Variants in C2CD5 observed in about 807,000 individuals in gnomAD.
C2CD5 encodes C2 calcium dependent domain containing 5.
Under a neutral mutation model 130.3 loss-of-function variants are expected in C2CD5, and 109 were observed. The ratio of observed to expected loss-of-function variants is 0.84; its 90% CI spans 0.72 to 0.98. The LOEUF is 0.98. Ranked by LOEUF, C2CD5 falls within the 50% of genes least tolerant of loss-of-function variation. C2CD5 has a pLI of 0.00. For missense variants in C2CD5, 996 were observed against 1,261.8 expected (o/e 0.79, Z 3.19); for synonymous variants, 454 against 429.2 (o/e 1.06, Z -0.71).
rs1480753816 is a variant in C2CD5, at chr12:22,472,012, T to C, written c.2223A>G (p.Gln741=). The C allele has an allele frequency of 2.5e-6, 4 of 1,610,350 alleles. No individual in the cohort carries two copies. Among genetic ancestry groups the C allele is most frequent in the Non-Finnish European group, 1.7e-6 (2 of 1,177,250 alleles). ...GATCATTAAAGTTCTTATTGAGAGC[T>C]TGATTAGTCAGGTTGAGGCTGCTTA... ...IRLSSLNLTN[Q]ALNKNFNDLC... The change falls in exon 19 of 27, where the codon CAA becomes CAG. Residue 741 remains glutamine, a synonymous_variant. Coordinates refer to ENST00000446597, the MANE Select transcript of C2CD5 (RefSeq NM_001286176.2).
At chr12:22,506,619 T>C in intron 10 of C2CD5, 92 bp downstream of exon 10, 2 of 732,752 alleles carry the variant, frequency 2.7e-6, no homozygotes, top group Non-Finnish European at 4.8e-6. Flanking sequence ...ATTTCTCTTT[T>C]CAGTTAGATT....
chr12:22,468,172 A>C (rs1216573200), intron 22 of C2CD5, among the ~76,000 whole-genome samples: 1 of 151,966 alleles, frequency 6.6e-6, no homozygotes, highest in Non-Finnish European at 1.5e-5. Context: ...TTTCTGTATA[A>C]AGTAGATGTT....
intron 24 of C2CD5, among the ~76,000 whole-genome samples, chr12:22,457,945 GTAGTT>G (rs1407954943): frequency 6.6e-6 from 1 of 152,092 alleles, no homozygotes; most frequent in Non-Finnish European, 1.5e-5. Context: ...CCTGTGAAAT[GTAGTT>G]TTTTCCCCCT....
At chr12:22,462,529 C>T (rs984596146) in intron 22 of C2CD5, among the ~76,000 whole-genome samples, 4 of 152,136 alleles carry the variant, frequency 2.6e-5, no homozygotes, top group Admixed American at 2.6e-4. Context: ...CAATATTTAA[C>T]AAGCCCTGTG....
chr12:22,479,344 G>T (rs59120810), intron 14 of C2CD5, among the ~76,000 whole-genome samples: 1 of 151,788 alleles, frequency 6.6e-6, no homozygotes, highest in Non-Finnish European at 1.5e-5. Context: ...AAAGTGCTGG[G>T]ATTACGGGCC....
intron 9 of C2CD5, chr12:22,512,669 G>T: frequency 6.7e-7 from 1 of 1,499,032 alleles, no homozygotes; most frequent in Non-Finnish European, 8.9e-7. Flanking sequence ...GAACCTATGA[G>T]GCGATCCTCC....
intron 7 of C2CD5, among the ~76,000 whole-genome samples, chr12:22,520,501 TTAAAAGG>T (rs1440830604): frequency 6.6e-6 from 1 of 152,154 alleles, no homozygotes; most frequent in East Asian, 1.9e-4. Context: ...CTAATAGAAA[TTAAAAGG>T]TATTTACTAT....
intron 7 of C2CD5, among the ~76,000 whole-genome samples, chr12:22,521,403 C>T (rs1172176740): frequency 6.6e-6 from 1 of 152,174 alleles, no homozygotes; most frequent in Non-Finnish European, 1.5e-5. Flanking sequence ...AGAACTCTTC[C>T]TGAATGCATG....
At chr12:22,518,202 T>C (rs369111763) in intron 7 of C2CD5, 65 bp from the exon 8 acceptor site, 11 of 1,464,470 alleles carry the variant, frequency 7.5e-6, no homozygotes, top group South Asian at 6.8e-5. Flanking sequence ...GGTGGCAGCA[T>C]GATCCAAACA....
Position 22,525,693 on chromosome 12 carries a change from T to TC in C2CD5, c.361dup (p.Glu121GlyfsTer13). ...GTCTACTTTGACAACTACATTGATT[T>TC]CCCCACGGATACCTATAAATTTAAA... On this transcript the variant is annotated frameshift_variant, in exon 5 of 27. Transcript: ENST00000446597. LOFTEE classifies it high-confidence loss of function. The TC allele has an allele frequency of 6.6e-7, 1 of 1,507,278 alleles. No individual in the cohort carries two copies. The highest frequency in any genetic ancestry group is 9.2e-7 in the Non-Finnish European group (1 of 1,083,614). 93.4% of individuals were successfully genotyped at this position (1,507,278 alleles called of 1,614,324 possible).
At chr12:22,478,642 T>C (rs145530158) in intron 14 of C2CD5, among the ~76,000 whole-genome samples, 165 bp from the exon 15 acceptor site, 146 of 152,216 alleles carry the variant, frequency 9.6e-4, no homozygotes, top group African/African-American at 3.3e-3. Flanking sequence ...GGTCAGGAGT[T>C]TGAGACCAGC....
chr12:22,490,311 T>A (rs1373799685), intron 11 of C2CD5, 93 bp from the exon 12 acceptor site: 2 of 848,510 alleles, frequency 2.4e-6, no homozygotes, highest in Non-Finnish European at 3.8e-6. Context: ...CAGTGACAAT[T>A]TAAGTTCAAG....
chr12:22,514,764 A>C (rs1949547089), intron 8 of C2CD5, among the ~76,000 whole-genome samples: 2 of 152,040 alleles, frequency 1.3e-5, no homozygotes, highest in East Asian at 1.9e-4. Flanking sequence ...ATAATTTTTT[A>C]ATATATAAAA....
At position 22,491,640 on chromosome 12, in the gene C2CD5, G is replaced by A. The variant is rs140302765; in HGVS notation, c.1263-1422C>T. Reference sequence around the variant, plus strand: ...TGTAATCCCAGCACTTTGGGAGGCCGAGGTGGACAGATCACGAGGTCAGGA... The same window carrying A: ...TGTAATCCCAGCACTTTGGGAGGCCAAGGTGGACAGATCACGAGGTCAGGA... On this transcript the variant is annotated intron_variant, in intron 11 of 26. Transcript: ENST00000446597. 9.6e-3 allele frequency among the ~76,000 whole-genome samples: 1,466 copies of A among 152,178 alleles called. 15 individuals are homozygous for A. The highest frequency in any genetic ancestry group is 0.012 in the Non-Finnish European group (803 of 68,012).
intron 2 of C2CD5, among the ~76,000 whole-genome samples, chr12:22,540,403 T>C: frequency 6.6e-6 from 1 of 152,228 alleles, no homozygotes. Context: ...AACTCTCTCC[T>C]CCCACTAAAA....
At chr12:22,462,230 C>T (rs7316740) in intron 22 of C2CD5, among the ~76,000 whole-genome samples, 148,662 of 152,312 alleles carry the variant, frequency 0.98, 72,633 homozygotes, top group Middle Eastern at 1. Context: ...TCAGGCTTTG[C>T]TGAGTTGTGC....
chr12:22,471,373 CTAA>C (rs1233992654), intron 20 of C2CD5, 23 bp downstream of exon 20: 28 of 1,170,334 alleles, frequency 2.4e-5, no homozygotes, highest in Non-Finnish European at 3.6e-5. Context: ...CAGATAAAGA[CTAA>C]TAATGGACTA....
intron 24 of C2CD5, among the ~76,000 whole-genome samples, chr12:22,458,267 G>T (rs1428410290): frequency 6.6e-6 from 1 of 152,010 alleles, no homozygotes; most frequent in Non-Finnish European, 1.5e-5. Flanking sequence ...TGCACAAAAA[G>T]GAAAATTTTA....
chr12:22,493,402 T>C, intron 10 of C2CD5, 65 bp from the exon 11 acceptor site: 1 of 822,656 alleles, frequency 1.2e-6, no homozygotes, highest in East Asian at 2.6e-5. Context: ...ACATGAAATG[T>C]TTAAAATAAA....
Sources: allele counts gnomAD v4.1 joint callset (sites outside exome capture counted in the v4.1 genomes callset), GRCh38; gene constraint gnomAD v4.1.1; transcripts MANE v1.5; gene names NCBI Gene and HGNC (gene_info 2026-07-23, HGNC 2026-07-21).